KSR1: variants seen among roughly 807,000 people sequenced by gnomAD.
KSR1 encodes the protein kinase suppressor of ras.
Under a neutral mutation model 92.9 loss-of-function variants are expected in KSR1, and 35 were observed. That is an observed-to-expected ratio of 0.38 (90% confidence interval 0.29 to 0.50). The LOEUF (loss-of-function observed/expected upper bound fraction) is 0.50. Ranked by LOEUF, KSR1 falls within the 20% of genes least tolerant of loss-of-function variation. The pLI is 0.94. For synonymous variants in KSR1, 467 were observed against 472.6 expected (o/e 0.99, Z 0.15); for missense variants, 972 against 1,158.5 (o/e 0.84, Z 2.34).
Position 27,625,552 on chromosome 17 carries a change from GC to G in KSR1, c.*2161del, listed in dbSNP as rs1276703834. 6.6e-6 allele frequency: 1 copy of G among 152,244 alleles called. No homozygotes were observed. Among genetic ancestry groups the G allele is most frequent in the Non-Finnish European group, 1.5e-5 (1 of 68,058 alleles). 9.4% of individuals were successfully genotyped at this position (152,244 alleles called of 1,614,324 possible). A position where few individuals can be genotyped will look rare whatever the true frequency, so the allele number is the denominator to read the frequency against. Reference sequence around the variant, plus strand: ...CAAAGGTGGAACTGAAGGACTGGGGGCAGCTGGCTCTCAGCCTGCCACCTCT... The same window carrying G: ...CAAAGGTGGAACTGAAGGACTGGGGGAGCTGGCTCTCAGCCTGCCACCTCT... On this transcript the variant is annotated 3_prime_UTR_variant, in exon 21 of 21. Coordinates refer to ENST00000644974, the MANE Select transcript of KSR1 (RefSeq NM_001394583.1).
In KSR1 at chr17:27,588,540, G is replaced by A; in HGVS notation, c.1046+5G>A. 1 of 1,589,354 alleles carries A rather than the reference G, an allele frequency of 6.3e-7. No individual in the cohort carries two copies. The highest frequency in any genetic ancestry group is 8.6e-7 in the Non-Finnish European group (1 of 1,168,204). ...CGGGCTGTCGGTGACGCACAGGTAGGCACAGCGGGCCTGGAGGGGGAGCAG... is the reference window on the plus strand; with the variant it reads ...CGGGCTGTCGGTGACGCACAGGTAGACACAGCGGGCCTGGAGGGGGAGCAG... On this transcript the variant is annotated splice_donor_5th_base_variant and intron_variant, in intron 6 of 20. Transcript: ENST00000644974.
At chr17:27,541,591 G>T (rs2151067832) in intron 1 of KSR1, among the ~76,000 whole-genome samples, 1 of 152,346 alleles carries the variant, frequency 6.6e-6, no homozygotes, top group South Asian at 2.1e-4. Flanking sequence ...AAAAGAGGTA[G>T]ACCCTGCCCA....
intron 1 of KSR1, among the ~76,000 whole-genome samples, chr17:27,481,523 A>G (rs2068509017): frequency 6.6e-6 from 1 of 152,208 alleles, no homozygotes; most frequent in Non-Finnish European, 1.5e-5. Context: ...TGGCCCTTCA[A>G]TCACGAGTCA....
At chr17:27,605,408 C>A in intron 13 of KSR1, 26 bp from the exon 14 acceptor site, 1 of 1,599,890 alleles carries the variant, frequency 6.3e-7, no homozygotes, top group Non-Finnish European at 8.5e-7. Context: ...TGCTGCCCAT[C>A]CCTGTTCTTC....
chr17:27,592,570 G>T lies in KSR1; in HGVS notation c.1243G>T (p.Val415Leu), dbSNP rs769057223. The T allele has an allele frequency of 1.9e-6, 3 of 1,613,946 alleles. No individual in the cohort carries two copies. Among genetic ancestry groups the T allele is most frequent in the Non-Finnish European group, 2.5e-6 (3 of 1,179,892 alleles). ...ESVPSDINNP[V>L]DRAAEPHFGT... ...TGTCCCCTCGGACATCAACAACCCGGTGGACAGAGCAGCCGAACCCCATTT... is the reference window on the plus strand; with the variant it reads ...TGTCCCCTCGGACATCAACAACCCGTTGGACAGAGCAGCCGAACCCCATTT... The change falls in exon 9 of 21, where the codon GTG becomes TTG. Residue 415 changes from valine to leucine, a missense_variant. By Grantham distance (32) the Val-to-Leu change is conservative (BLOSUM62 1). Around this residue, in one of 5 missense-constraint regions of KSR1, gnomAD observed 611 missense variants for 668.0 expected, o/e 0.91. Transcript: ENST00000644974.
intron 10 of KSR1, among the ~76,000 whole-genome samples, chr17:27,600,936 TGGG>T: frequency 6.6e-6 from 1 of 152,150 alleles, no homozygotes; most frequent in Middle Eastern, 3.4e-3. Flanking sequence ...GAAAAAAATG[TGGG>T]TAGGGAGTGG....
chr17:27,536,443 G>A (rs936230515), intron 1 of KSR1, among the ~76,000 whole-genome samples: 2 of 152,174 alleles, frequency 1.3e-5, no homozygotes, highest in African/African-American at 4.8e-5. Context: ...ATTACCTTTT[G>A]TTCTCATCGT....
chr17:27,559,579 T>C lies in KSR1; in HGVS notation c.372+8871T>C, dbSNP rs55771626. ...GCTATGACTGCATTGACCAGGGCCC[T>C]GTGGTGAGAGCTGGGATGCTGAAGA... On this transcript the variant is annotated intron_variant, in intron 2 of 20. Transcript: ENST00000644974. The surrounding 1 kb of genome is among the most constrained non-coding windows in gnomAD (Gnocchi z 4.2). 0.14 allele frequency among the ~76,000 whole-genome samples: 21,004 copies of C among 152,294 alleles called. 1,934 individuals are homozygous for C. The highest frequency in any genetic ancestry group is 0.21 in the Non-Finnish European group (14,338 of 68,010).
At chr17:27,588,341 T>A (rs1264057588) in intron 5 of KSR1, 134 bp from the exon 6 acceptor site, 1 of 668,054 alleles carries the variant, frequency 1.5e-6, no homozygotes, top group South Asian at 2.5e-5. Flanking sequence ...TTGATGGACA[T>A]AGATCAGGGA....
Position 27,590,863 on chromosome 17 carries a change from A to G in KSR1, c.1099A>G (p.Met367Val). 2.5e-6 allele frequency: 4 copies of G among 1,611,284 alleles called. No individual in the cohort carries two copies. The highest frequency in any genetic ancestry group is 3.4e-6 in the Non-Finnish European group (4 of 1,178,694). ...GGTCTGCCACGTGTGCCAGAAGAGC[A>G]TGATATTTGGAGTGAAGTGCAAGCA... ...SQVCHVCQKS[M>V]IFGVKCKHCR... Residue 367 changes from methionine (M) to valine (V), a missense_variant, in exon 7 of 21, where the codon ATG (methionine) becomes GTG (valine). Physicochemically the swap from Met to Val is conservative, Grantham distance 21. Coordinates refer to ENST00000644974, the MANE Select transcript of KSR1 (RefSeq NM_001394583.1).
chr17:27,501,673 AT>A (rs1171444719), intron 1 of KSR1, among the ~76,000 whole-genome samples: 1 of 152,132 alleles, frequency 6.6e-6, no homozygotes, highest in Non-Finnish European at 1.5e-5. Flanking sequence ...TAATTTTTGC[AT>A]TTTTAGTAGA....
chr17:27,589,096 A>T (rs1408571185), intron 6 of KSR1, among the ~76,000 whole-genome samples: 1 of 152,214 alleles, frequency 6.6e-6, no homozygotes, highest in South Asian at 2.1e-4. Flanking sequence ...AAGGCACGCC[A>T]TGCAGTTTGG....
intron 2 of KSR1, among the ~76,000 whole-genome samples, chr17:27,563,801 C>T (rs2071934122): frequency 6.6e-6 from 1 of 152,122 alleles, no homozygotes. Flanking sequence ...TGGCTAGTGC[C>T]ATCTCATCCT....
chr17:27,621,865 C>A (rs1201717830), intron 20 of KSR1: 39 of 1,570,238 alleles, frequency 2.5e-5, no homozygotes, highest in Non-Finnish European at 3.4e-5. Flanking sequence ...TAGCTCCCGA[C>A]AGGCTCTGCA....
chr17:27,577,169 A>G lies in KSR1; in HGVS notation c.373-323A>G, dbSNP rs2072541363. On this transcript the variant is annotated intron_variant, in intron 2 of 20. Coordinates refer to ENST00000644974, the MANE Select transcript of KSR1 (RefSeq NM_001394583.1). The surrounding 1 kb of genome is among the most constrained non-coding windows in gnomAD (Gnocchi z 4.5). The stretch of plus-strand genomic sequence containing the variant: ...GTCTGAAGTACTCGTCATTCTAAAA[A>G]GTTGTTATGACTCGCTGTTTTTTTT... 6.6e-6 allele frequency among the ~76,000 whole-genome samples: 1 copy of G among 152,188 alleles called. No individual in the cohort carries two copies. The highest frequency in any genetic ancestry group is 2.1e-4 in the South Asian group (1 of 4,830).
chr17:27,591,450 C>A (rs2073163541), intron 7 of KSR1, among the ~76,000 whole-genome samples: 1 of 152,226 alleles, frequency 6.6e-6, no homozygotes, highest in Non-Finnish European at 1.5e-5. Context: ...CGGTGCCCAG[C>A]CCACTCTGCC....
chr17:27,491,566 G>A (rs1182285275), intron 1 of KSR1, among the ~76,000 whole-genome samples: 3 of 152,106 alleles, frequency 2.0e-5, no homozygotes, highest in African/African-American at 4.8e-5. Context: ...GTACTTACTT[G>A]GGGGGATAGA....
intron 1 of KSR1, among the ~76,000 whole-genome samples, chr17:27,514,982 C>T (rs1238728955): frequency 1.3e-5 from 2 of 152,202 alleles, no homozygotes; most frequent in Admixed American, 1.3e-4. Context: ...GATCACATGG[C>T]AACCACTGGT....
Position 27,500,248 on chromosome 17 carries a change from C to CT in KSR1, c.231+43376dup, listed in dbSNP as rs536387456. Among the ~76,000 whole-genome samples, 398 of 152,262 alleles carry CT rather than the reference C, an allele frequency of 2.6e-3. 2 individuals are homozygous for CT. The highest frequency in any genetic ancestry group is 4.0e-3 in the Non-Finnish European group (273 of 68,018). ...TCAGAAGCCTCCTAGAAATGAAACCCTTGAAGCCTTCCCTTGAGCATTAGG... is the reference window on the plus strand; with the variant it reads ...TCAGAAGCCTCCTAGAAATGAAACCCTTTGAAGCCTTCCCTTGAGCATTAGG... On this transcript the variant is annotated intron_variant, in intron 1 of 20. Transcript: ENST00000644974.
Sources: allele counts gnomAD v4.1 joint callset (sites outside exome capture counted in the v4.1 genomes callset), GRCh38; gene constraint gnomAD v4.1.1; regional missense constraint gnomAD v4.1.1; non-coding constraint Gnocchi (gnomAD v3.1); transcripts MANE v1.5; gene names NCBI Gene and HGNC (gene_info 2026-07-23, HGNC 2026-07-21).